Variants in SLCO3A1 observed in about 807,000 individuals in gnomAD.
The protein encoded by SLCO3A1 is solute carrier organic anion transporter family member 3A1.
Under a neutral mutation model 63.1 loss-of-function variants are expected in SLCO3A1, and 27 were observed. The observed-to-expected ratio is 0.43, with a 90% CI of 0.32 to 0.59. The LOEUF is 0.59. Among genes scored for constraint, SLCO3A1 ranks in the 20% least tolerant of loss-of-function variants. The pLI is 0.09. For missense variants in SLCO3A1, 773 were observed against 945.8 expected, an observed-to-expected ratio of 0.82 and a Z score of 2.40; for synonymous variants, 473 against 409.9, an observed-to-expected ratio of 1.15 and a Z score of -1.86.
At position 92,047,501 on chromosome 15, in the gene SLCO3A1, AT is replaced by A. The variant is rs1422382439; in HGVS notation, c.647-47379del. On this transcript the variant is annotated intron_variant, in intron 2 of 9. Transcript: ENST00000318445. ...TATATAAATATATATATAAATATAT[AT>A]AAATATATATAAATACATAAATAAA... 7.3e-4 allele frequency among the ~76,000 whole-genome samples: 28 copies of A among 38,532 alleles called. 2 individuals carry two copies. The highest frequency in any genetic ancestry group is 8.8e-4 in the Non-Finnish European group (19 of 21,586). The allele number at this position is 38,532 out of a possible 152,430, so 25.3% of individuals were successfully genotyped here.
intron 2 of SLCO3A1, among the ~76,000 whole-genome samples, chr15:91,996,073 A>C (rs1233656583): frequency 6.6e-6 from 1 of 152,146 alleles, no homozygotes; most frequent in Non-Finnish European, 1.5e-5. Context: ...GAACAAACAA[A>C]ATTGCCCATA....
intron 2 of SLCO3A1, among the ~76,000 whole-genome samples, chr15:92,062,675 ATCCAGAGCTGTGG>A (rs1461818246): frequency 1.3e-5 from 2 of 152,126 alleles, no homozygotes; most frequent in African/African-American, 4.8e-5. Context: ...GGGTGGCGAG[ATCCAGAGCTGTGG>A]TCCAGAGGCA....
At chr15:91,901,202 A>G (rs1297970488) in intron 1 of SLCO3A1, among the ~76,000 whole-genome samples, 2 of 152,186 alleles carry the variant, frequency 1.3e-5, no homozygotes, top group African/African-American at 2.4e-5. Flanking sequence ...AAGTTATCAC[A>G]GTGTACTTCA....
intron 2 of SLCO3A1, among the ~76,000 whole-genome samples, chr15:92,003,752 C>T (rs749491871): frequency 7.9e-5 from 12 of 152,168 alleles, no homozygotes; most frequent in Admixed American, 2.0e-4. Context: ...TTCATGGATA[C>T]GGGGCCAGGA....
At position 92,047,592 on chromosome 15, in the gene SLCO3A1, T is replaced by TAATATATAATATATATATA. The variant is rs2046901946; in HGVS notation, c.647-47287_647-47269dup. On this transcript the variant is annotated intron_variant, in intron 2 of 9. Transcript: ENST00000318445. ...TATAAATATATATATAATATATATA[T>TAATATATAATATATATATA]AATATATAATATATATATAATATAT... is the stretch of plus-strand genomic sequence containing the variant. Among the ~76,000 whole-genome samples, 2 of 22,778 alleles carry TAATATATAATATATATATA rather than the reference T, an allele frequency of 8.8e-5. 1 individual carries two copies. Among genetic ancestry groups the TAATATATAATATATATATA allele is most frequent in the Non-Finnish European group, 1.5e-4 (2 of 13,782 alleles). The allele number at this position is 22,778 out of a possible 152,430, so 14.9% of individuals were successfully genotyped here.
At chr15:91,870,896 G>C (rs1188268220) in intron 1 of SLCO3A1, among the ~76,000 whole-genome samples, 1 of 150,244 alleles carries the variant, frequency 6.7e-6, no homozygotes, top group Non-Finnish European at 1.5e-5. Context: ...TTTTTTAGAT[G>C]TTGTCTTTGG....
At chr15:92,150,198 G>A (rs969190193) in intron 8 of SLCO3A1, among the ~76,000 whole-genome samples, 1 of 152,156 alleles carries the variant, frequency 6.6e-6, no homozygotes, top group African/African-American at 2.4e-5. Flanking sequence ...GATGTAGGTT[G>A]GAAGGCTAGG....
chr15:92,094,295 G>A (rs895659265), intron 2 of SLCO3A1, among the ~76,000 whole-genome samples: 1 of 152,046 alleles, frequency 6.6e-6, no homozygotes, highest in African/African-American at 2.4e-5. Context: ...TTCAAAACGT[G>A]GACAGAAATT....
intron 1 of SLCO3A1, among the ~76,000 whole-genome samples, chr15:91,898,482 T>C (rs1297820746): frequency 6.6e-6 from 1 of 152,242 alleles, no homozygotes; most frequent in African/African-American, 2.4e-5. Context: ...TCCATTATTA[T>C]CTGGCCTCCA....
chr15:91,914,088 T>C (rs1898572198), intron 1 of SLCO3A1, among the ~76,000 whole-genome samples: 1 of 152,176 alleles, frequency 6.6e-6, no homozygotes, highest in Non-Finnish European at 1.5e-5. Context: ...CATTTACATG[T>C]ATGTGTTGTT....
At chr15:91,974,815 A>G (rs1901035621) in intron 2 of SLCO3A1, among the ~76,000 whole-genome samples, 1 of 152,146 alleles carries the variant, frequency 6.6e-6, no homozygotes, top group African/African-American at 2.4e-5. Context: ...AAGAGGTGTG[A>G]TGAAGCCAGT....
At chr15:92,171,847 C>A (rs751921675) in exon 11 of SLCO3A1, 1 of 1,551,376 alleles carries the variant, frequency 6.4e-7, no homozygotes, top group Non-Finnish European at 8.7e-7. Flanking sequence ...CAGAAGACTC[C>A]TTTGTGAGAA....
At chr15:91,993,046 G>A (rs184529853) in intron 2 of SLCO3A1, among the ~76,000 whole-genome samples, 23 of 152,252 alleles carry the variant, frequency 1.5e-4, no homozygotes, top group Admixed American at 5.9e-4. Context: ...CCTTTCTGGC[G>A]TGTGTCTAGA....
chr15:91,899,897 C>A (rs971673192), intron 1 of SLCO3A1, among the ~76,000 whole-genome samples: 14 of 152,280 alleles, frequency 9.2e-5, no homozygotes, highest in Admixed American at 7.8e-4. Flanking sequence ...ATTAGCATAT[C>A]TTTTTGAGGT....
chr15:91,938,893 C>T (rs1899513254), intron 2 of SLCO3A1, among the ~76,000 whole-genome samples: 2 of 152,160 alleles, frequency 1.3e-5, no homozygotes, highest in Non-Finnish European at 2.9e-5. Flanking sequence ...GAGGTTTTAT[C>T]CTAGTCCGGA....
chr15:92,166,710 A>C (rs2048495604), downstream of SLCO3A1, among the ~76,000 whole-genome samples: 1 of 152,216 alleles, frequency 6.6e-6, no homozygotes, highest in Non-Finnish European at 1.5e-5. Flanking sequence ...TTGCTAATGG[A>C]TATTCTTTCA....
chr15:92,093,664 T>G (rs2047504471), intron 2 of SLCO3A1, among the ~76,000 whole-genome samples: 1 of 152,080 alleles, frequency 6.6e-6, no homozygotes, highest in South Asian at 2.1e-4. Flanking sequence ...GGCTAGGATT[T>G]TTACTGGTTG....
At chr15:92,068,739 C>T (rs983818896) in intron 2 of SLCO3A1, among the ~76,000 whole-genome samples, 1 of 152,114 alleles carries the variant, frequency 6.6e-6, no homozygotes, top group Non-Finnish European at 1.5e-5. Context: ...CAGCCTCATC[C>T]CTTTGGTGGC....
At chr15:92,019,594 A>G (rs1266937670) in intron 2 of SLCO3A1, among the ~76,000 whole-genome samples, 1 of 152,202 alleles carries the variant, frequency 6.6e-6, no homozygotes, top group Non-Finnish European at 1.5e-5. Flanking sequence ...AGGGATGGTC[A>G]AGAGTTTGCT....
Sources: allele counts gnomAD v4.1 joint callset (sites outside exome capture counted in the v4.1 genomes callset), GRCh38; gene constraint gnomAD v4.1.1; transcripts MANE v1.5; gene names NCBI Gene and HGNC (gene_info 2026-07-23, HGNC 2026-07-21).